RAD51B: variants seen among roughly 807,000 people sequenced by gnomAD.
The protein encoded by RAD51B is RAD51 paralog B, also known as DNA repair protein RAD51 homolog 2.
A neutral mutation model predicts 42.2 loss-of-function variants in RAD51B; 38 were observed. That is an observed-to-expected ratio of 0.90 (90% CI 0.70 to 1.18). RAD51B has a LOEUF of 1.18. Among genes scored for constraint, RAD51B ranks in the 50% most tolerant of loss-of-function variants. The pLI is 0.00. For synonymous variants in RAD51B, 154 were observed against 145.2 expected, an observed-to-expected ratio of 1.06 and a Z score of -0.43; for missense variants, 373 against 400.7, an observed-to-expected ratio of 0.93 and a Z score of 0.59.
chr14:67,897,116 A>G (rs1183360612), intron 7 of RAD51B, among the ~76,000 whole-genome samples: 1 of 152,208 alleles, frequency 6.6e-6, no homozygotes, highest in Non-Finnish European at 1.5e-5. Context: ...AAAGACTTAA[A>G]CATAAGACCT....
At chr14:68,253,172 C>G (rs1422757625) in intron 7 of RAD51B, among the ~76,000 whole-genome samples, 1 of 151,858 alleles carries the variant, frequency 6.6e-6, no homozygotes, top group African/African-American at 2.4e-5. Flanking sequence ...ATAAAAATCA[C>G]TTAGTCATAA....
At chr14:68,041,093 T>A (rs2140395417) in intron 7 of RAD51B, among the ~76,000 whole-genome samples, 1 of 152,298 alleles carries the variant, frequency 6.6e-6, no homozygotes, top group East Asian at 1.9e-4. Flanking sequence ...GCTGTTCTTG[T>A]GATAGTGAGT....
At chr14:68,340,342 G>A (rs1398080159) in intron 8 of RAD51B, among the ~76,000 whole-genome samples, 3 of 152,174 alleles carry the variant, frequency 2.0e-5, no homozygotes, top group Non-Finnish European at 2.9e-5. Context: ...AATCTACATT[G>A]CTGAAATAAA....
chr14:68,443,951 A>T (rs17105630), intron 9 of RAD51B, among the ~76,000 whole-genome samples: 2,176 of 152,280 alleles, frequency 0.014, 53 homozygotes, highest in African/African-American at 0.05. Context: ...AGTGCTAGGT[A>T]CCTTTTCTTT....
intron 8 of RAD51B, among the ~76,000 whole-genome samples, chr14:68,333,556 T>C (rs2082389496): frequency 6.6e-6 from 1 of 152,236 alleles, no homozygotes; most frequent in East Asian, 1.9e-4. Context: ...GCCTTAGAGA[T>C]ACCTTTGCTT....
At chr14:68,455,712 T>G (rs4902594) in intron 9 of RAD51B, among the ~76,000 whole-genome samples, 64,016 of 151,860 alleles carry the variant, frequency 0.42, 14,025 homozygotes, top group East Asian at 0.55. Flanking sequence ...AGAGCGAGAC[T>G]CTGTCTCAAA....
Position 68,253,211 on chromosome 14 carries a change from G to A in RAD51B, c.757-38673G>A, listed in dbSNP as rs117996843. Among the ~76,000 whole-genome samples, 200 of 152,054 alleles carry A rather than the reference G, an allele frequency of 1.3e-3. 3 individuals are homozygous for A. The East Asian group carries it at 0.035, about 26-fold the overall frequency. On this transcript the variant is annotated intron_variant, in intron 7 of 10. Coordinates refer to ENST00000471583, the MANE Select transcript of RAD51B (RefSeq NM_133510.4). Reference sequence around the variant, plus strand: ...TCTATCCAGAGATACCTTTAATACTGTAGTATATTTATTTCCAGATTTTTT... The same window carrying A: ...TCTATCCAGAGATACCTTTAATACTATAGTATATTTATTTCCAGATTTTTT...
chr14:68,156,422 C>T (rs140797327), intron 7 of RAD51B, among the ~76,000 whole-genome samples: 1,679 of 149,580 alleles, frequency 0.011, 15 homozygotes, highest in Non-Finnish European at 0.015. Context: ...TTAGGGGAAT[C>T]CCTTTTTAAG....
At chr14:68,525,462 A>T (rs1298993838) in intron 10 of RAD51B, among the ~76,000 whole-genome samples, 2 of 152,218 alleles carry the variant, frequency 1.3e-5, no homozygotes, top group African/African-American at 2.4e-5. Flanking sequence ...GACCTGGAGG[A>T]CATTGTCCCA....
intron 7 of RAD51B, among the ~76,000 whole-genome samples, chr14:67,998,458 G>A (rs2075423941): frequency 1.3e-5 from 2 of 152,128 alleles, no homozygotes; most frequent in African/African-American, 4.8e-5. Context: ...GACATTTTTG[G>A]TGATTGAGAA....
chr14:68,337,293 A>G (rs1171270756), intron 8 of RAD51B, among the ~76,000 whole-genome samples: 1 of 152,172 alleles, frequency 6.6e-6, no homozygotes, highest in East Asian at 1.9e-4. Context: ...TCAGGTACCA[A>G]AATGATTCAG....
intron 10 of RAD51B, among the ~76,000 whole-genome samples, chr14:68,472,940 T>G (rs768111269): frequency 3.3e-5 from 5 of 152,336 alleles, no homozygotes; most frequent in Non-Finnish European, 7.3e-5. Flanking sequence ...AGGACAGGCA[T>G]TAATCTCTTC....
intron 8 of RAD51B, among the ~76,000 whole-genome samples, chr14:68,369,446 G>A (rs1594740019): frequency 1.3e-5 from 2 of 152,310 alleles, no homozygotes; most frequent in South Asian, 2.1e-4. Flanking sequence ...GATCCACAAA[G>A]CATTGCTGTG....
At chr14:68,125,071 G>A (rs1354589537) in intron 7 of RAD51B, 2 of 152,144 alleles carry the variant, frequency 1.3e-5, no homozygotes, top group African/African-American at 4.8e-5. Context: ...TGTTACATCA[G>A]GGAGTCATAT....
At chr14:68,397,673 C>T (rs114808489) in intron 8 of RAD51B, among the ~76,000 whole-genome samples, 1,775 of 151,830 alleles carry the variant, frequency 0.012, 38 homozygotes, top group African/African-American at 0.04. Context: ...GGACACCCCT[C>T]GTGTGTGTGT....
chr14:67,975,508 AAAGAC>A, intron 7 of RAD51B, among the ~76,000 whole-genome samples: 1 of 152,376 alleles, frequency 6.6e-6, no homozygotes, highest in African/African-American at 2.4e-5. Context: ...AGACCTGTTA[AAAGAC>A]AATCCTTAAC....
intron 9 of RAD51B, among the ~76,000 whole-genome samples, chr14:68,464,097 A>T (rs1432958770): frequency 6.6e-6 from 1 of 152,224 alleles, no homozygotes; most frequent in Non-Finnish European, 1.5e-5. Context: ...ATAAAATTGC[A>T]TCCCAAACAA....
chr14:67,914,136 C>G (rs2044076979), intron 7 of RAD51B, among the ~76,000 whole-genome samples: 1 of 152,120 alleles, frequency 6.6e-6, no homozygotes, highest in African/African-American at 2.4e-5. Context: ...GTGCATACCA[C>G]CACGCTTGGC....
intron 10 of RAD51B, among the ~76,000 whole-genome samples, chr14:68,521,514 G>A (rs1394396922): frequency 6.6e-6 from 1 of 152,208 alleles, no homozygotes; most frequent in Non-Finnish European, 1.5e-5. Context: ...ATTAGGAAGA[G>A]AGCAAATAAA....
Sources: gnomAD v4.1 joint callset for allele counts (sites outside exome capture counted in the v4.1 genomes callset) on GRCh38, gnomAD v4.1.1 for gene constraint, MANE v1.5 for transcripts, NCBI Gene and HGNC (gene_info 2026-07-23, HGNC 2026-07-21) for gene names.